Variants in FCRL3 observed in about 807,000 individuals in gnomAD.
FCRL3 encodes Fc receptor-like protein 3.
FCRL3 carries 89 observed loss-of-function variants against 75.0 expected under a neutral mutation model. The ratio of observed to expected loss-of-function variants is 1.19; its 90% CI spans 1.00 to 1.42. FCRL3 has a LOEUF of 1.42. Among genes scored for constraint, FCRL3 ranks in the 40% most tolerant of loss-of-function variants. The pLI, the probability that FCRL3 is intolerant of heterozygous loss-of-function variation, is 0.00. For synonymous variants in FCRL3, 376 were observed against 348.5 expected (o/e 1.08, Z -0.88); for missense variants, 946 against 880.0 (o/e 1.07, Z -0.95).
chr1:157,698,797 G>C (rs1385986725), intron 3 of FCRL3, among the ~76,000 whole-genome samples, 168 bp from the exon 4 acceptor site: 1 of 152,204 alleles, frequency 6.6e-6, no homozygotes, highest in Admixed American at 6.5e-5. Flanking sequence ...GAAAGAATCT[G>C]TTCTTCCTCA....
intron 10 of FCRL3, among the ~76,000 whole-genome samples, chr1:157,685,513 TAGAC>T (rs757345269): frequency 3.3e-5 from 5 of 152,080 alleles, no homozygotes; most frequent in Non-Finnish European, 5.9e-5. Context: ...CTGACAGAGT[TAGAC>T]AGATCATCGA....
At chr1:157,685,176 ATGT>A (rs1036213031) in intron 10 of FCRL3, among the ~76,000 whole-genome samples, 2 of 151,846 alleles carry the variant, frequency 1.3e-5, no homozygotes, top group Non-Finnish European at 1.5e-5. Context: ...TTCTTTTAGT[ATGT>A]TATAGATTAG....
chr1:157,695,235 G>A (rs543093643), intron 8 of FCRL3, 94 bp downstream of exon 8: 653 of 1,308,064 alleles, frequency 5.0e-4, no homozygotes, highest in Middle Eastern at 2.3e-3. Context: ...AAGTCTATTG[G>A]GATATCAACC....
intron 13 of FCRL3, 100 bp downstream of exon 13, chr1:157,680,602 C>T (rs911063803): frequency 4.2e-6 from 4 of 961,080 alleles, no homozygotes; most frequent in African/African-American, 1.6e-5. Context: ...TAATGCCTTG[C>T]GTGTTGGGCT....
intron 10 of FCRL3, among the ~76,000 whole-genome samples, chr1:157,684,327 G>C (rs1571194884): frequency 6.6e-6 from 1 of 152,216 alleles, no homozygotes; most frequent in East Asian, 1.9e-4. Flanking sequence ...GCAAGTCGTT[G>C]CTCAAAATAA....
At chr1:157,693,295 AG>A (rs1655672671) in intron 8 of FCRL3, among the ~76,000 whole-genome samples, 1 of 150,662 alleles carries the variant, frequency 6.6e-6, no homozygotes, top group African/African-American at 2.4e-5. Flanking sequence ...AAAAAAAAAA[AG>A]GAAATTCAAC....
rs758536117 is a variant in FCRL3, at chr1:157,678,709, G to A, written c.*1C>T. 1 of 1,613,124 alleles carries A rather than the reference G, an allele frequency of 6.2e-7. No individual in the cohort carries two copies. Among genetic ancestry groups the A allele is most frequent in the Non-Finnish European group, 8.5e-7 (1 of 1,179,940 alleles). On this transcript the variant is annotated 3_prime_UTR_variant, in exon 15 of 15. Transcript: ENST00000368184. ...TCCTGTGGGCCACTCTGGGTAAGGG[G>A]CTAGTGGTCTGAGGCCAGTAATACA... is the stretch of plus-strand genomic sequence containing the variant.
At chr1:157,679,186 C>T (rs1341707223) in intron 13 of FCRL3, 3 of 609,292 alleles carry the variant, frequency 4.9e-6, no homozygotes, top group Non-Finnish European at 8.7e-6. Flanking sequence ...CTGTTGGATT[C>T]TTCCAAACCC....
intron 7 of FCRL3, 173 bp downstream of exon 7, chr1:157,695,867 C>G: frequency 1.4e-6 from 1 of 716,694 alleles, no homozygotes; most frequent in Non-Finnish European, 2.2e-6. Flanking sequence ...CTTTCCATTT[C>G]TTGGATAGCT....
intron 2 of FCRL3, among the ~76,000 whole-genome samples, chr1:157,700,058 A>C (rs1416855868): frequency 6.6e-6 from 1 of 152,128 alleles, no homozygotes; most frequent in East Asian, 1.9e-4. Flanking sequence ...TCTCTGATTA[A>C]ATTTTGGCTT....
intron 10 of FCRL3, among the ~76,000 whole-genome samples, chr1:157,685,950 G>A (rs970172972): frequency 6.6e-6 from 1 of 151,982 alleles, no homozygotes; most frequent in Non-Finnish European, 1.5e-5. Context: ...GCCTATTCAA[G>A]ATAGTCCTGA....
intron 11 of FCRL3, among the ~76,000 whole-genome samples, chr1:157,682,235 C>T (rs559741882): frequency 0.036 from 5,451 of 152,134 alleles, 311 homozygotes; most frequent in African/African-American, 0.12. Context: ...TGTGCAGAAG[C>T]TCTTTAGTTT....
At position 157,677,634 on chromosome 1, in the gene FCRL3, C is replaced by T. The variant is rs1000297160; in HGVS notation, c.*1076G>A. 7.2e-6 allele frequency: 7 copies of T among 978,214 alleles called. No individual in the cohort carries two copies. In the South Asian group the frequency reaches 2.8e-4, roughly 40 times the overall value. 60.6% of individuals were successfully genotyped at this position (978,214 alleles called of 1,614,324 possible). On this transcript the variant is annotated 3_prime_UTR_variant, in exon 15 of 15. Coordinates refer to ENST00000368184, the MANE Select transcript of FCRL3 (RefSeq NM_052939.4). Reference sequence around the variant, plus strand: ...AAAACATTAAGCCAGATATTTTACACAAGTAAATACTAAACAGCAATAAAA... The same window carrying T: ...AAAACATTAAGCCAGATATTTTACATAAGTAAATACTAAACAGCAATAAAA...
At chr1:157,700,189 T>A (rs1656226026) in intron 2 of FCRL3, among the ~76,000 whole-genome samples, 1 of 152,104 alleles carries the variant, frequency 6.6e-6, no homozygotes. Context: ...GGGTGGGATA[T>A]AGAGTTGTGG....
In FCRL3 at chr1:157,696,326, T is replaced by C. The variant is rs1290993201; in HGVS notation, c.846A>G (p.Arg282=). The part of the protein sequence containing the change: ...RSLRSQIRVQ[R]VPVSNVNLEI... ...CTAGATTCACATTAGACACAGGGAC[T>C]CCTGGGGGAACACAAGATGGCATGT... Residue 282 remains arginine (R), a splice_region_variant and synonymous_variant, in exon 7 of 15, where the codon AGA becomes AGG. Transcript: ENST00000368184. 13 of 1,613,530 alleles carry C rather than the reference T, an allele frequency of 8.1e-6. No homozygotes were observed. The highest frequency in any genetic ancestry group is 2.7e-5 in the African/African-American group (2 of 74,910).
At chr1:157,692,922 C>G (rs1028570052) in intron 8 of FCRL3, among the ~76,000 whole-genome samples, 3 of 152,058 alleles carry the variant, frequency 2.0e-5, no homozygotes, top group African/African-American at 7.2e-5. Flanking sequence ...ATATCTGCAC[C>G]TTTAAAAATC....
Position 157,676,991 on chromosome 1 carries a change from G to T in FCRL3, c.*1719C>A, listed in dbSNP as rs903018112. 12 of 1,343,100 alleles carry T rather than the reference G, an allele frequency of 8.9e-6. No individual in the cohort carries two copies. In the African/African-American group the frequency reaches 1.0e-4, roughly 12 times the overall value. The allele number at this position is 1,343,100 out of a possible 1,614,324, so 83.2% of individuals were successfully genotyped here. Reference sequence around the variant, plus strand: ...TATCACATAGAAGACAGAGACATTTGCCTCCTCCCTCTTCAAGGGACCTTA... The same window carrying T: ...TATCACATAGAAGACAGAGACATTTTCCTCCTCCCTCTTCAAGGGACCTTA... On this transcript the variant is annotated 3_prime_UTR_variant, in exon 15 of 15. Transcript: ENST00000368184.
chr1:157,677,174 C>T lies in FCRL3; in HGVS notation c.*1536G>A. The T allele has an allele frequency of 9.9e-7, 1 of 1,009,478 alleles. No individual in the cohort carries two copies. The highest frequency in any genetic ancestry group is 1.2e-6 in the Non-Finnish European group (1 of 843,302). The allele number at this position is 1,009,478 out of a possible 1,614,324, so 62.5% of individuals were successfully genotyped here. ...CATTTTTTGAGGCCAGCAGCTGTGG[C>T]TTAGCTGGCTTTGCTGGTCGTAATG... On this transcript the variant is annotated 3_prime_UTR_variant, in exon 15 of 15. Coordinates refer to ENST00000368184, the MANE Select transcript of FCRL3 (RefSeq NM_052939.4).
chr1:157,700,597 A>G lies in FCRL3; in HGVS notation c.-96-12T>C. 8 of 1,584,982 alleles carry G rather than the reference A, an allele frequency of 5.0e-6. No individual in the cohort carries two copies. The highest frequency in any genetic ancestry group is 6.9e-6 in the Non-Finnish European group (8 of 1,165,532). Reference sequence around the variant, plus strand: ...TACTCAGATGAGACCTGCAAGAATCAGAAAAGGGAAGAAGAGCTTAGTGTC... The same window carrying G: ...TACTCAGATGAGACCTGCAAGAATCGGAAAAGGGAAGAAGAGCTTAGTGTC... On this transcript the variant is annotated splice_polypyrimidine_tract_variant and intron_variant, in intron 1 of 14. Coordinates refer to ENST00000368184, the MANE Select transcript of FCRL3 (RefSeq NM_052939.4).
Sources: gnomAD v4.1 joint callset for allele counts (sites outside exome capture counted in the v4.1 genomes callset) on GRCh38, gnomAD v4.1.1 for gene constraint, MANE v1.5 for transcripts, NCBI Gene and HGNC (gene_info 2026-07-23, HGNC 2026-07-21) for gene names.